COG5: variants seen among roughly 807,000 people sequenced by gnomAD.
COG5 encodes conserved oligomeric Golgi complex subunit 5.
A neutral mutation model predicts 110.4 loss-of-function variants in COG5; 86 were observed. That is an observed-to-expected ratio of 0.78 (90% CI 0.65 to 0.93). The LOEUF (loss-of-function observed/expected upper bound fraction) is 0.93. COG5 is among the 40% of genes least tolerant of loss of function. COG5 has a pLI of 0.00. For synonymous variants in COG5, 360 were observed against 334.6 expected (o/e 1.08, Z -0.83); for missense variants, 1,077 against 987.0 (o/e 1.09, Z -1.22).
chr7:107,217,758 C>T (rs1476268405), intron 19 of COG5, among the ~76,000 whole-genome samples: 1 of 152,104 alleles, frequency 6.6e-6, no homozygotes, highest in Non-Finnish European at 1.5e-5. Context: ...TAACATTATA[C>T]TCAATGGTGA....
At chr7:107,507,784 A>G (rs1044581074) in intron 6 of COG5, among the ~76,000 whole-genome samples, 1 of 152,246 alleles carries the variant, frequency 6.6e-6, no homozygotes, top group Non-Finnish European at 1.5e-5. Flanking sequence ...AGATTAAGAA[A>G]TATCATAGCT....
Position 107,475,282 on chromosome 7 carries a change from C to A in COG5, c.538+51955G>T, listed in dbSNP as rs1289051978. The A allele has an allele frequency of 2.5e-6, 4 of 1,594,490 alleles. No individual in the cohort carries two copies. The highest frequency in any genetic ancestry group is 2.7e-5 in the African/African-American group (2 of 73,824). On this transcript the variant is annotated intron_variant, in intron 6 of 21. Coordinates refer to ENST00000297135, the MANE Select transcript of COG5 (RefSeq NM_006348.5). ...TGTAATACACAACTCTTGGATAGATCCTAAAAGAAACAAAAAAATTACCTT... is the reference window on the plus strand; with the variant it reads ...TGTAATACACAACTCTTGGATAGATACTAAAAGAAACAAAAAAATTACCTT...
At chr7:107,227,794 C>T (rs1032528023) in intron 19 of COG5, among the ~76,000 whole-genome samples, 2 of 152,088 alleles carry the variant, frequency 1.3e-5, no homozygotes, top group Non-Finnish European at 2.9e-5. Context: ...CTGTAACCTC[C>T]AGCTCCCGGG....
intron 11 of COG5, among the ~76,000 whole-genome samples, chr7:107,299,267 C>A (rs528506527): frequency 1.9e-4 from 29 of 152,034 alleles, no homozygotes; most frequent in Non-Finnish European, 3.5e-4. Flanking sequence ...AGTAAAATTG[C>A]CAAACTTCTA....
intron 21 of COG5, among the ~76,000 whole-genome samples, chr7:107,204,840 A>C (rs1400715551): frequency 6.6e-6 from 1 of 152,132 alleles, no homozygotes; most frequent in Non-Finnish European, 1.5e-5. Flanking sequence ...GGACAGTTTT[A>C]TCTGACTTGC....
rs189208706 is a variant in COG5, at chr7:107,334,728, A to G, written c.1027-10207T>C. On this transcript the variant is annotated intron_variant, in intron 10 of 21. Transcript: ENST00000297135. ...AAGACAGAAGTTGAAAGGATTCACCACCATCAGACCTGTCTTACAAGAGAT... is the reference window on the plus strand; with the variant it reads ...AAGACAGAAGTTGAAAGGATTCACCGCCATCAGACCTGTCTTACAAGAGAT... 3.6e-3 allele frequency among the ~76,000 whole-genome samples: 551 copies of G among 152,228 alleles called. 4 individuals carry two copies. The highest frequency in any genetic ancestry group is 0.024 in the Middle Eastern group (7 of 292).
chr7:107,282,146 T>C (rs1316215104), intron 13 of COG5, among the ~76,000 whole-genome samples: 1 of 152,184 alleles, frequency 6.6e-6, no homozygotes, highest in Non-Finnish European at 1.5e-5. Flanking sequence ...CCAGATTCTC[T>C]TTTTAAAGAA....
intron 10 of COG5, among the ~76,000 whole-genome samples, chr7:107,330,538 T>C (rs1035797942): frequency 6.6e-5 from 10 of 152,208 alleles, no homozygotes; most frequent in African/African-American, 9.7e-5. Context: ...TAACACCAAA[T>C]TGACCATGGA....
At chr7:107,275,776 A>C (rs1187363155) in intron 14 of COG5, among the ~76,000 whole-genome samples, 2 of 152,008 alleles carry the variant, frequency 1.3e-5, no homozygotes, top group East Asian at 3.9e-4. Context: ...TGCCCACCTC[A>C]GCCTCTCAAA....
intron 14 of COG5, among the ~76,000 whole-genome samples, chr7:107,267,753 A>T (rs1034734): frequency 0.63 from 95,777 of 151,646 alleles, 32,531 homozygotes; most frequent in African/African-American, 0.91. Context: ...AATACAATTT[A>T]AAAAAAATAA....
chr7:107,406,752 A>T (rs1432393012), intron 7 of COG5, among the ~76,000 whole-genome samples: 1 of 152,152 alleles, frequency 6.6e-6, no homozygotes, highest in Non-Finnish European at 1.5e-5. Flanking sequence ...TCCCTTCTAG[A>T]ATTACTTGGT....
chr7:107,246,560 G>A (rs1802074907), intron 17 of COG5, among the ~76,000 whole-genome samples: 1 of 152,156 alleles, frequency 6.6e-6, no homozygotes, highest in Non-Finnish European at 1.5e-5. Context: ...CAAAAGACAT[G>A]AACAGACACT....
At chr7:107,432,917 T>C (rs1794125681) in intron 6 of COG5, among the ~76,000 whole-genome samples, 1 of 152,108 alleles carries the variant, frequency 6.6e-6, no homozygotes, top group African/African-American at 2.4e-5. Flanking sequence ...GACATAATCT[T>C]AGATATAGCA....
intron 10 of COG5, among the ~76,000 whole-genome samples, chr7:107,360,651 T>G (rs1217533894): frequency 1.3e-5 from 2 of 152,180 alleles, no homozygotes; most frequent in African/African-American, 2.4e-5. Flanking sequence ...CAGCATAAGC[T>G]GTGTGTAGTA....
chr7:107,359,348 C>G (rs1812897494), intron 10 of COG5, among the ~76,000 whole-genome samples: 5 of 152,234 alleles, frequency 3.3e-5, no homozygotes, highest in Admixed American at 3.3e-4. Context: ...TTGGCCCACT[C>G]CAGACTTTGG....
chr7:107,248,822 A>G (rs1035445304), intron 16 of COG5, among the ~76,000 whole-genome samples: 2 of 152,246 alleles, frequency 1.3e-5, no homozygotes, highest in Non-Finnish European at 2.9e-5. Context: ...TAAAGGTCAA[A>G]TGAACACATT....
intron 6 of COG5, among the ~76,000 whole-genome samples, chr7:107,436,062 C>T (rs1794345248): frequency 6.6e-6 from 1 of 152,178 alleles, no homozygotes; most frequent in East Asian, 1.9e-4. Flanking sequence ...CACATGTTCT[C>T]ACTCATATGT....
chr7:107,387,934 C>T (rs761715727), intron 7 of COG5, among the ~76,000 whole-genome samples: 2 of 152,220 alleles, frequency 1.3e-5, no homozygotes, highest in Non-Finnish European at 2.9e-5. Context: ...ATTGCTAGAT[C>T]AACATACACA....
chr7:107,393,602 G>A (rs906365502), intron 7 of COG5, among the ~76,000 whole-genome samples: 1 of 152,110 alleles, frequency 6.6e-6, no homozygotes, highest in African/African-American at 2.4e-5. Context: ...CAGGTCTTGG[G>A]TCTTTCACTC....
Sources: allele counts gnomAD v4.1 joint callset (sites outside exome capture counted in the v4.1 genomes callset), GRCh38; gene constraint gnomAD v4.1.1; transcripts MANE v1.5; gene names NCBI Gene and HGNC (gene_info 2026-07-23, HGNC 2026-07-21).